Variants in WDFY4 observed in about 807,000 individuals in gnomAD.
WDFY4 encodes WDFY family member 4.
In WDFY4, 169 loss-of-function variants were observed where a neutral mutation model predicts 351.9. That is an observed-to-expected ratio of 0.48 (90% CI 0.42 to 0.55). The LOEUF (loss-of-function observed/expected upper bound fraction) is 0.55. Ranked by LOEUF, WDFY4 falls within the 20% of genes least tolerant of loss-of-function variation. The pLI, the probability that WDFY4 is intolerant of heterozygous loss-of-function variation, is 0.00. For synonymous variants in WDFY4, 1,622 were observed against 1,574.6 expected, an observed-to-expected ratio of 1.03 and a Z score of -0.71; for missense variants, 3,803 against 3,935.6, an observed-to-expected ratio of 0.97 and a Z score of 0.90.
chr10:48,781,549 C>T (rs2066226562), intron 19 of WDFY4, among the ~76,000 whole-genome samples: 1 of 152,110 alleles, frequency 6.6e-6, no homozygotes. Flanking sequence ...ACCTGCCTTG[C>T]CCTCCCAAAG....
intron 36 of WDFY4, 21 bp from the exon 37 acceptor site, chr10:48,828,757 G>A: frequency 1.4e-6 from 2 of 1,427,210 alleles, no homozygotes; most frequent in Non-Finnish European, 1.9e-6. Context: ...GGATTTTAGT[G>A]AAAAATCTCT....
intron 43 of WDFY4, among the ~76,000 whole-genome samples, chr10:48,881,233 C>T (rs748442689): frequency 4.6e-5 from 7 of 152,192 alleles, no homozygotes; most frequent in South Asian, 2.1e-4. Context: ...TAAGAAGGGG[C>T]GTTGGAAGAA....
chr10:48,963,099 G>C (rs1841932530), intron 53 of WDFY4, among the ~76,000 whole-genome samples: 1 of 152,216 alleles, frequency 6.6e-6, no homozygotes, highest in Admixed American at 6.5e-5. Flanking sequence ...AAAACTGGGG[G>C]CTGGAGTGTT....
At chr10:48,786,355 G>A (rs751444113) in intron 19 of WDFY4, among the ~76,000 whole-genome samples, 20 of 152,014 alleles carry the variant, frequency 1.3e-4, no homozygotes, top group Non-Finnish European at 2.6e-4. Flanking sequence ...TAGACATTCA[G>A]GTTCTTAGTA....
At position 48,975,038 on chromosome 10, in the gene WDFY4, C is replaced by G; in HGVS notation, c.9105C>G (p.Val3035=). 1 of 1,551,754 alleles carries G rather than the reference C, an allele frequency of 6.4e-7. No homozygotes were observed. ...TCTCAGCCATCACCATCAGTGACGT[C>G]TCAGTAAGTCTCCTGTTTCTCAGTG... The part of the protein sequence containing the change: ...EGISAITISD[V]SGTIVSCAGA... The change falls in exon 58 of 62, where the codon GTC becomes GTG. Residue 3035 remains valine, a synonymous_variant. Transcript: ENST00000325239.
chr10:48,767,057 G>A (rs186666876), intron 13 of WDFY4, among the ~76,000 whole-genome samples: 1 of 152,340 alleles, frequency 6.6e-6, no homozygotes, highest in Non-Finnish European at 1.5e-5. Flanking sequence ...TGACCCATAT[G>A]AGATACTAAA....
chr10:48,736,272 A>T, intron 11 of WDFY4: 1 of 640,122 alleles, frequency 1.6e-6, no homozygotes, highest in Non-Finnish European at 2.8e-6. Context: ...TCTTTGCAAC[A>T]TACAGTCCAG....
intron 39 of WDFY4, among the ~76,000 whole-genome samples, chr10:48,845,824 A>G (rs541677696): frequency 1.6e-5 from 1 of 62,150 alleles, no homozygotes; most frequent in African/African-American, 7.2e-5. Context: ...GCTTGAATAT[A>G]CAGTCTCTAA....
intron 14 of WDFY4, among the ~76,000 whole-genome samples, chr10:48,775,154 T>C (rs2065989704): frequency 6.6e-6 from 1 of 152,186 alleles, no homozygotes; most frequent in African/African-American, 2.4e-5. Context: ...TGGAGAGCCA[T>C]GGCAGGGAGA....
intron 47 of WDFY4, among the ~76,000 whole-genome samples, chr10:48,910,568 GGTCTCTATCTCCA>G (rs1398546546): frequency 1.3e-5 from 2 of 152,186 alleles, no homozygotes; most frequent in Non-Finnish European, 2.9e-5. Context: ...CCTCCTAACT[GGTCTCTATCTCCA>G]GTCTGCTTCG....
At chr10:48,735,239 C>G (rs1413182083) in intron 10 of WDFY4, among the ~76,000 whole-genome samples, 3 of 152,176 alleles carry the variant, frequency 2.0e-5, no homozygotes, top group Non-Finnish European at 2.9e-5. Context: ...TGGATTACTC[C>G]AATATCAATC....
chr10:48,776,667 G>C, intron 15 of WDFY4, 83 bp from the exon 16 acceptor site: 3 of 1,295,818 alleles, frequency 2.3e-6, no homozygotes, highest in Admixed American at 2.8e-5. Context: ...CTGGGCTGCG[G>C]CAGATACTTT....
intron 54 of WDFY4, among the ~76,000 whole-genome samples, chr10:48,966,027 T>G (rs576249562): frequency 1.3e-5 from 2 of 152,286 alleles, no homozygotes; most frequent in East Asian, 3.9e-4. Context: ...AATAGGCCAC[T>G]AATGGGATTT....
intron 1 of WDFY4, among the ~76,000 whole-genome samples, chr10:48,695,366 G>A (rs2063304633): frequency 1.3e-5 from 2 of 152,112 alleles, no homozygotes; most frequent in African/African-American, 2.4e-5. Context: ...CTGCAACACT[G>A]CAGGCTTCAG....
At chr10:48,828,960 T>C (rs2068099768) in intron 37 of WDFY4, 64 bp downstream of exon 37, 2 of 533,402 alleles carry the variant, frequency 3.7e-6, no homozygotes. Flanking sequence ...GGTGGCAGGA[T>C]AGTGGTACCT....
rs746239024 is a variant in WDFY4, at chr10:48,890,668, C to T, written c.7257C>T (p.Cys2419=). 10 of 1,551,580 alleles carry T rather than the reference C, an allele frequency of 6.4e-6. No homozygotes were observed. The highest frequency in any genetic ancestry group is 2.4e-5 in the South Asian group (2 of 84,058). ...LLFGHQHFYI[C]ENFTLSPTGD... ...TTGGCCACCAACACTTCTACATCTG[C>T]GAGAACTTCACACTGTCTCCCACGG... is the stretch of plus-strand genomic sequence containing the variant. Residue 2419 remains cysteine (C), a synonymous_variant, in exon 44 of 62, where the codon TGC becomes TGT. Coordinates refer to ENST00000325239, the MANE Select transcript of WDFY4 (RefSeq NM_001394531.1).
Position 48,780,134 on chromosome 10 carries a change from C to A in WDFY4, c.3576+15C>A. 23 of 1,551,450 alleles carry A rather than the reference C, an allele frequency of 1.5e-5. No individual in the cohort carries two copies. Among genetic ancestry groups the A allele is most frequent in the Non-Finnish European group, 2.0e-5 (23 of 1,146,650 alleles). ...GCTCTGCCAAGGTGAGATGGCTCCT[C>A]CAAGCTGCACTTGCCCCACAACCAT... On this transcript the variant is annotated intron_variant, in intron 19 of 61. Coordinates refer to ENST00000325239, the MANE Select transcript of WDFY4 (RefSeq NM_001394531.1).
Position 48,971,358 on chromosome 10 carries a change from T to C in WDFY4, c.8928+1069T>C, listed in dbSNP as rs1052916703. On this transcript the variant is annotated intron_variant, in intron 57 of 61. Transcript: ENST00000325239. The stretch of plus-strand genomic sequence containing the variant: ...AAAAATACAACAGATTAGCCAGGCG[T>C]GGTGGTGGGTGCCTGTAGTCCCATC... Among the ~76,000 whole-genome samples the C allele has an allele frequency of 2.6e-5, 4 of 151,844 alleles. No individual in the cohort carries two copies. The East Asian group carries it at 7.7e-4, about 29-fold the overall frequency.
rs1357481299 is a variant in WDFY4, at chr10:48,867,293, G to A, written c.6692G>A (p.Arg2231Lys). ...TTTGTGTCATGTATAGAGAACTACA[G>A]AAGAAGAGGACAAGAGCTATATGCA... Reference protein sequence around the residue: ...EDFVSCIENYRRRGQELYASL... With the variant: ...EDFVSCIENYKRRGQELYASL... The change falls in exon 40 of 62, where the codon AGA (arginine) becomes AAA (lysine). Residue 2231 changes from arginine (R) to lysine (K), a missense_variant. Physicochemically the swap from Arg to Lys is conservative, Grantham distance 26. Around this residue, in one of 3 missense-constraint regions of WDFY4, gnomAD observed 3,054 missense variants for 3,148.6 expected, o/e 0.97. Transcript: ENST00000325239. The A allele has an allele frequency of 1.9e-5, 28 of 1,495,908 alleles. No individual in the cohort carries two copies. Among genetic ancestry groups the A allele is most frequent in the Admixed American group, 8.7e-5 (4 of 46,138 alleles). The allele number at this position is 1,495,908 out of a possible 1,614,324, so 92.7% of individuals were successfully genotyped here.
Sources: gnomAD v4.1 joint callset for allele counts (sites outside exome capture counted in the v4.1 genomes callset) on GRCh38, gnomAD v4.1.1 for gene constraint, gnomAD v4.1.1 regional missense constraint, MANE v1.5 for transcripts, NCBI Gene and HGNC (gene_info 2026-07-23, HGNC 2026-07-21) for gene names.